MCF2L2: variants seen among roughly 807,000 people sequenced by gnomAD.
MCF2L2 encodes the protein MCF.2 cell line derived transforming sequence-like 2.
Under a neutral mutation model 150.2 loss-of-function variants are expected in MCF2L2, and 102 were observed. That is an observed-to-expected ratio of 0.68 (90% CI 0.58 to 0.80). The LOEUF is 0.80. Ranked by LOEUF, MCF2L2 falls within the 30% of genes least tolerant of loss-of-function variation. The probability of loss-of-function intolerance (pLI) is 0.00; values close to 1 mark genes in which losing one functional copy is unlikely to be tolerated. For missense variants in MCF2L2, 1,256 were observed against 1,372.8 expected (o/e 0.91, Z 1.34); for synonymous variants, 465 against 491.3 (o/e 0.95, Z 0.71).
chr3:183,365,685 A>T (rs1329818038), intron 3 of MCF2L2, among the ~76,000 whole-genome samples: 3 of 152,200 alleles, frequency 2.0e-5, no homozygotes, highest in Middle Eastern at 3.2e-3. Flanking sequence ...ATTACTCTAT[A>T]AGCTAGATTT....
intron 23 of MCF2L2, among the ~76,000 whole-genome samples, chr3:183,207,215 C>CTA (rs1722526564): frequency 6.6e-6 from 1 of 152,080 alleles, no homozygotes; most frequent in African/African-American, 2.4e-5. Flanking sequence ...ACCCCAAGGT[C>CTA]AGGACAATGC....
chr3:183,235,136 T>C (rs1462743977), intron 15 of MCF2L2, among the ~76,000 whole-genome samples: 1 of 88,442 alleles, frequency 1.1e-5, no homozygotes. Context: ...TTTGCTATTG[T>C]GAATAGTGCC....
intron 7 of MCF2L2, among the ~76,000 whole-genome samples, chr3:183,317,479 G>A (rs1729647511): frequency 1.3e-5 from 2 of 152,124 alleles, no homozygotes; most frequent in Non-Finnish European, 2.9e-5. Context: ...AGGTTCTGAC[G>A]TGCTTTTACG....
chr3:183,278,694 T>G (rs966243655), intron 14 of MCF2L2, among the ~76,000 whole-genome samples: 1 of 152,208 alleles, frequency 6.6e-6, no homozygotes, highest in African/African-American at 2.4e-5. Context: ...CTCCCAATTA[T>G]AAAATGAATT....
At chr3:183,358,075 G>T (rs532437946) in intron 3 of MCF2L2, among the ~76,000 whole-genome samples, 6 of 152,072 alleles carry the variant, frequency 3.9e-5, no homozygotes, top group Admixed American at 3.9e-4. Context: ...ATGACCTGAG[G>T]TCAGGAGTTC....
chr3:183,323,428 A>G (rs1729897780), intron 5 of MCF2L2, 77 bp from the exon 6 acceptor site: 1 of 609,542 alleles, frequency 1.6e-6, no homozygotes, highest in South Asian at 2.8e-5. Context: ...TATTCTTATC[A>G]TAATTATATT....
At chr3:183,330,012 A>G (rs1473442763) in intron 5 of MCF2L2, among the ~76,000 whole-genome samples, 1 of 151,990 alleles carries the variant, frequency 6.6e-6, no homozygotes, top group Non-Finnish European at 1.5e-5. Context: ...ACACAGGAGG[A>G]TCGTTTGAGC....
chr3:183,281,043 A>G (rs1221659605), intron 14 of MCF2L2, among the ~76,000 whole-genome samples: 1 of 152,184 alleles, frequency 6.6e-6, no homozygotes, highest in African/African-American at 2.4e-5. Context: ...AGAGAATGAT[A>G]ATAAAATGTT....
intron 13 of MCF2L2, among the ~76,000 whole-genome samples, chr3:183,290,812 G>A (rs990601150): frequency 6.6e-6 from 1 of 152,150 alleles, no homozygotes; most frequent in Non-Finnish European, 1.5e-5. Flanking sequence ...GATTACAGGC[G>A]TGAGCCACTG....
intron 15 of MCF2L2, among the ~76,000 whole-genome samples, chr3:183,249,435 C>G (rs1356701468): frequency 6.6e-6 from 1 of 152,208 alleles, no homozygotes; most frequent in East Asian, 1.9e-4. Context: ...CCCTGAGAGG[C>G]CCCACTGAGT....
At chr3:183,233,328 G>A (rs970446057) in intron 15 of MCF2L2, among the ~76,000 whole-genome samples, 1 of 149,230 alleles carries the variant, frequency 6.7e-6, no homozygotes, top group Non-Finnish European at 1.5e-5. Flanking sequence ...CTCCAGCCTG[G>A]GCAACAAGAG....
chr3:183,405,487 C>T (rs1484650466), intron 1 of MCF2L2, among the ~76,000 whole-genome samples: 1 of 152,150 alleles, frequency 6.6e-6, no homozygotes, highest in Non-Finnish European at 1.5e-5. Context: ...CACTCACCCA[C>T]CCTTAACCCC....
At chr3:183,425,672 C>A (rs1553798999) in intron 1 of MCF2L2, among the ~76,000 whole-genome samples, 1 of 152,156 alleles carries the variant, frequency 6.6e-6, no homozygotes, top group Non-Finnish European at 1.5e-5. Flanking sequence ...CTCACTCCCC[C>A]TGAAACCTTA....
Position 183,427,895 on chromosome 3 carries a change from C to T in MCF2L2, c.76+7G>A, listed in dbSNP as rs777883237. 4 of 1,613,366 alleles carry T rather than the reference C, an allele frequency of 2.5e-6. No homozygotes were observed. The highest frequency in any genetic ancestry group is 2.5e-6 in the Non-Finnish European group (3 of 1,179,306). On this transcript the variant is annotated splice_region_variant and intron_variant, in intron 1 of 29. Transcript: ENST00000328913. ...TAAAACGCAGGAAAAATTAAAGCTT[C>T]GTTTACCGACATGAGTGATCACTGT...
intron 27 of MCF2L2, among the ~76,000 whole-genome samples, chr3:183,186,440 G>A (rs111308292): frequency 0.013 from 2,054 of 152,190 alleles, 49 homozygotes; most frequent in African/African-American, 0.047. Context: ...AAAATTTTTT[G>A]TAGGTCCAGT....
intron 14 of MCF2L2, among the ~76,000 whole-genome samples, chr3:183,281,692 G>A (rs990122221): frequency 1.3e-5 from 2 of 152,080 alleles, no homozygotes; most frequent in African/African-American, 4.8e-5. Flanking sequence ...GCTGCCTTGG[G>A]AGGGCGATTC....
chr3:183,343,835 A>T (rs759132507), intron 3 of MCF2L2, among the ~76,000 whole-genome samples: 6 of 152,228 alleles, frequency 3.9e-5, no homozygotes, highest in African/African-American at 1.2e-4. Flanking sequence ...AATATGTCAC[A>T]ACAATAGCAT....
intron 5 of MCF2L2, among the ~76,000 whole-genome samples, chr3:183,329,105 T>G (rs1353351861): frequency 6.6e-6 from 1 of 152,360 alleles, no homozygotes; most frequent in East Asian, 1.9e-4. Context: ...AGAGCCACTT[T>G]GCAAAAACAG....
At chr3:183,366,766 C>G (rs1712546446) in intron 3 of MCF2L2, among the ~76,000 whole-genome samples, 2 of 152,180 alleles carry the variant, frequency 1.3e-5, no homozygotes, top group Admixed American at 6.5e-5. Flanking sequence ...AAAACACTTC[C>G]TGGTTGACAG....
Sources: gnomAD v4.1 joint callset for allele counts (sites outside exome capture counted in the v4.1 genomes callset) on GRCh38, gnomAD v4.1.1 for gene constraint, MANE v1.5 for transcripts, NCBI Gene and HGNC (gene_info 2026-07-23, HGNC 2026-07-21) for gene names.